The following CSMD1 variants were observed in gnomAD, a reference collection of about 807,000 sequenced individuals.
CSMD1 encodes CUB and Sushi multiple domains 1.
A neutral mutation model predicts 417.5 loss-of-function variants in CSMD1; 213 were observed. The observed-to-expected ratio is 0.51, with a 90% CI of 0.46 to 0.57. The LOEUF (loss-of-function observed/expected upper bound fraction) is 0.57. CSMD1 is among the 20% of genes least tolerant of loss of function. CSMD1 has a pLI of 0.00. For missense variants in CSMD1, 6,923 were observed against 4,529.7 expected (o/e 1.53, Z -15.17); for synonymous variants, 2,862 against 1,736.8 (o/e 1.65, Z -16.11).
intron 5 of CSMD1, among the ~76,000 whole-genome samples, chr8:3,844,141 T>G (rs989105199): frequency 6.6e-6 from 1 of 152,196 alleles, no homozygotes; most frequent in African/African-American, 2.4e-5. Context: ...CTTTAAAAAT[T>G]TTAAAAAGAC....
At chr8:3,053,501 C>G (rs1812010261) in intron 49 of CSMD1, among the ~76,000 whole-genome samples, 2 of 152,034 alleles carry the variant, frequency 1.3e-5, no homozygotes, top group Non-Finnish European at 2.9e-5. Flanking sequence ...TACAAGAAAA[C>G]ACGACATAAG....
intron 4 of CSMD1, among the ~76,000 whole-genome samples, chr8:4,016,800 T>C (rs1273625028): frequency 6.6e-6 from 1 of 152,214 alleles, no homozygotes; most frequent in Non-Finnish European, 1.5e-5. Flanking sequence ...TTTTTGGTCG[T>C]TGTTTTATTT....
intron 2 of CSMD1, among the ~76,000 whole-genome samples, chr8:4,430,687 T>G (rs895114108): frequency 2.0e-5 from 3 of 152,124 alleles, no homozygotes; most frequent in African/African-American, 7.2e-5. Flanking sequence ...GTGTCTGTAA[T>G]AGACTATCGG....
At chr8:4,713,653 CTT>C (rs762976657) in intron 1 of CSMD1, among the ~76,000 whole-genome samples, 1 of 152,072 alleles carries the variant, frequency 6.6e-6, no homozygotes, top group Non-Finnish European at 1.5e-5. Flanking sequence ...TGGAACGTCT[CTT>C]AACAAAACAG....
chr8:4,450,829 G>T (rs572014333), intron 2 of CSMD1, among the ~76,000 whole-genome samples: 1 of 152,146 alleles, frequency 6.6e-6, no homozygotes, highest in East Asian at 1.9e-4. Context: ...TACTGCACTT[G>T]TGAGTAAGGG....
At chr8:4,038,213 G>C (rs546586809) in intron 3 of CSMD1, among the ~76,000 whole-genome samples, 4 of 152,174 alleles carry the variant, frequency 2.6e-5, no homozygotes, top group Admixed American at 6.5e-5. Flanking sequence ...TTTTTAAAAA[G>C]TTTTTGTAAA....
At chr8:3,792,137 T>A (rs1799783536) in intron 5 of CSMD1, among the ~76,000 whole-genome samples, 1 of 152,040 alleles carries the variant, frequency 6.6e-6, no homozygotes, top group African/African-American at 2.4e-5. Flanking sequence ...CTACGAAAAG[T>A]TGAACAATTA....
chr8:3,220,587 C>T (rs983326329), intron 28 of CSMD1, among the ~76,000 whole-genome samples: 12 of 152,182 alleles, frequency 7.9e-5, no homozygotes, highest in African/African-American at 2.7e-4. Context: ...AATCCCAGCA[C>T]TTTGGGAGGC....
intron 1 of CSMD1, among the ~76,000 whole-genome samples, chr8:4,808,030 A>G (rs552511182): frequency 5.6e-4 from 86 of 152,296 alleles, no homozygotes; most frequent in African/African-American, 1.8e-3. Context: ...TCGCCCATAG[A>G]TAGCACATCT....
chr8:3,343,379 G>T lies in CSMD1; in HGVS notation c.3546C>A (p.Ile1182=), dbSNP rs772523417. 1.2e-6 allele frequency: 2 copies of T among 1,613,592 alleles called. No individual in the cohort carries two copies. The highest frequency in any genetic ancestry group is 2.7e-5 in the African/African-American group (2 of 74,878). The change falls in exon 23 of 70, where the codon ATC becomes ATA. Residue 1182 remains isoleucine (I), a synonymous_variant. Transcript: ENST00000635120. ...ACAGGTGATTGGATGTGCTGTTTAG[G>T]ATCAGCCCCAGAAGTTCATTTTTAG... is the stretch of plus-strand genomic sequence containing the variant. ...TFTKNELLGL[I]LNSTSNHLWL...
chr8:3,040,467 T>C (rs184927929), intron 50 of CSMD1, among the ~76,000 whole-genome samples: 1 of 148,674 alleles, frequency 6.7e-6, no homozygotes, highest in Admixed American at 6.7e-5. Flanking sequence ...AATCTATCTA[T>C]CTATATATAT....
chr8:4,146,369 C>T (rs1410820312), intron 3 of CSMD1, among the ~76,000 whole-genome samples: 1 of 150,606 alleles, frequency 6.6e-6, no homozygotes, highest in Non-Finnish European at 1.5e-5. Context: ...CCAACATCGA[C>T]TTGCAGAGCT....
chr8:4,308,777 T>A (rs2128877566), intron 3 of CSMD1, among the ~76,000 whole-genome samples: 1 of 152,310 alleles, frequency 6.6e-6, no homozygotes, highest in East Asian at 1.9e-4. Flanking sequence ...TAAAGATTAT[T>A]TACAAAACTA....
At chr8:2,940,694 T>G (rs1051090217) in intron 69 of CSMD1, among the ~76,000 whole-genome samples, 4 of 152,208 alleles carry the variant, frequency 2.6e-5, no homozygotes, top group African/African-American at 4.8e-5. Flanking sequence ...AAGTGATATT[T>G]ATGTATAAAT....
intron 3 of CSMD1, among the ~76,000 whole-genome samples, chr8:4,278,635 G>A (rs547155882): frequency 7.2e-5 from 11 of 152,178 alleles, no homozygotes; most frequent in South Asian, 2.1e-4. Flanking sequence ...TTTTAGCTAC[G>A]AATTCAACAT....
intron 3 of CSMD1, among the ~76,000 whole-genome samples, chr8:4,118,684 T>C (rs7826115): frequency 0.99 from 150,671 of 152,308 alleles, 74,551 homozygotes; most frequent in East Asian, 1. Flanking sequence ...GACAGTGTGG[T>C]GATTGCTCAA....
chr8:4,582,605 C>T (rs1799473896), intron 2 of CSMD1, among the ~76,000 whole-genome samples: 1 of 152,198 alleles, frequency 6.6e-6, no homozygotes, highest in South Asian at 2.1e-4. Flanking sequence ...AAGGGCTACA[C>T]ATTAGCAAGG....
intron 11 of CSMD1, among the ~76,000 whole-genome samples, chr8:3,484,367 T>C (rs777011760): frequency 4.6e-5 from 7 of 152,216 alleles, no homozygotes; most frequent in African/African-American, 1.4e-4. Flanking sequence ...TACTGAACAG[T>C]TGGATACACG....
At chr8:3,871,021 T>A (rs1298176668) in intron 5 of CSMD1, among the ~76,000 whole-genome samples, 1 of 152,196 alleles carries the variant, frequency 6.6e-6, no homozygotes. Flanking sequence ...TTTAAAAAAA[T>A]TCAATACATA....
Sources: gnomAD v4.1 joint callset for allele counts (sites outside exome capture counted in the v4.1 genomes callset) on GRCh38, gnomAD v4.1.1 for gene constraint, MANE v1.5 for transcripts, NCBI Gene and HGNC (gene_info 2026-07-23, HGNC 2026-07-21) for gene names.